The following NT5DC2 variants were observed in gnomAD, a reference collection of about 807,000 sequenced individuals.
NT5DC2 encodes 5'-nucleotidase domain containing 2, also known as 5'-nucleotidase domain-containing protein 2.
In NT5DC2, 41 loss-of-function variants were observed where a neutral mutation model predicts 70.0. The observed-to-expected ratio is 0.59, with a 90% confidence interval of 0.46 to 0.76. The LOEUF (loss-of-function observed/expected upper bound fraction) is 0.76, where lower values mean the gene tolerates loss of function less well. Among genes scored for constraint, NT5DC2 ranks in the 30% least tolerant of loss-of-function variants. NT5DC2 has a pLI of 0.00. For synonymous variants in NT5DC2, 299 were observed against 310.4 expected, an observed-to-expected ratio of 0.96 and a Z score of 0.39; for missense variants, 705 against 783.2, an observed-to-expected ratio of 0.90 and a Z score of 1.19.
Position 52,529,331 on chromosome 3 carries a change from A to G in NT5DC2, c.236T>C (p.Leu79Pro). The G allele has an allele frequency of 6.2e-7, 1 of 1,613,224 alleles. No individual in the cohort carries two copies. Among genetic ancestry groups the G allele is most frequent in the Non-Finnish European group, 8.5e-7 (1 of 1,179,816 alleles). Reference sequence around the variant, plus strand: ...GAGACTGCAGACCTCGGGGGGCAGGAGGTCTAGAGGAAGGAGATGCAGGGA... The same window carrying G: ...GAGACTGCAGACCTCGGGGGGCAGGGGGTCTAGAGGAAGGAGATGCAGGGA... ...YQDMRRLVHD[L>P]LPPEVCSLLN... is the part of the protein sequence containing the mutation. The change falls in exon 2 of 14, where the codon CTC becomes CCC. Residue 79 changes from leucine to proline, a missense_variant. Physicochemically the swap from Leu to Pro is moderately conservative, Grantham distance 98. Coordinates refer to ENST00000422318, the MANE Select transcript of NT5DC2 (RefSeq NM_001134231.2). This position sits in a 1 kb window ranked among gnomAD's most constrained non-coding sequence, Gnocchi z 4.1.
rs2079324348 is a variant in NT5DC2 at position 52,529,090 on chromosome 3, A to C, written c.417+60T>G. 1 of 1,606,912 alleles carries C rather than the reference A, an allele frequency of 6.2e-7. No individual in the cohort carries two copies. The highest frequency in any genetic ancestry group is 1.3e-5 in the African/African-American group (1 of 74,854). On this transcript the variant is annotated intron_variant, in intron 2 of 13. Transcript: ENST00000422318. The surrounding 1 kb of genome is among the most constrained non-coding windows in gnomAD (Gnocchi z 4.1). ...ACGACTCAGCCCTGAGCTTAGGCCA[A>C]GGTGGGTCTGGCCAGCCTCCAAGCC...
In NT5DC2 at chr3:52,533,726, C is replaced by T; in HGVS notation, c.12G>A (p.Ala4=). 1 of 987,122 alleles carries T rather than the reference C, an allele frequency of 1.0e-6. No individual in the cohort carries two copies. Among genetic ancestry groups the T allele is most frequent in the Non-Finnish European group, 1.2e-6 (1 of 832,188 alleles). The allele number at this position is 987,122 out of a possible 1,614,324, so 61.1% of individuals were successfully genotyped here. The stretch of plus-strand genomic sequence containing the variant: ...AGCGCCGAGCGGCCGCCCGCAGCCC[C>T]GCACCCGCCATGCCCACCGCGCGCC... MAG[A]GLRAAARRWL... is the part of the protein sequence containing the mutation. The change falls in exon 1 of 14, where the codon GCG becomes GCA. Residue 4 remains alanine (A), a synonymous_variant. Transcript: ENST00000422318.
intron 9 of NT5DC2, 80 bp downstream of exon 9, chr3:52,527,537 G>A: frequency 6.6e-7 from 1 of 1,522,194 alleles, no homozygotes; most frequent in Non-Finnish European, 9.0e-7. Context: ...GGGCCAGGTT[G>A]GCCTCCTGCT....
chr3:52,528,958 C>T (rs1411852728), intron 2 of NT5DC2, 23 bp from the exon 3 acceptor site: 1 of 1,613,544 alleles, frequency 6.2e-7, no homozygotes, highest in Non-Finnish European at 8.5e-7. Context: ...AGGGGCCAGG[C>T]CTAAGCCAAT....
At position 52,528,168 on chromosome 3, in the gene NT5DC2, GC is replaced by G; in HGVS notation, c.771+14del. On this transcript the variant is annotated intron_variant, in intron 6 of 13. Coordinates refer to ENST00000422318, the MANE Select transcript of NT5DC2 (RefSeq NM_001134231.2). ...AGTCTTTCCTGCCATCCGAGGGCAG[GC>G]CCAGCATCCTCACCGTCACGTCCTT... 1 of 1,613,090 alleles carries G rather than the reference GC, an allele frequency of 6.2e-7. No individual in the cohort carries two copies. Among genetic ancestry groups the G allele is most frequent in the South Asian group, 1.1e-5 (1 of 91,086 alleles).
rs752223992 is a variant in NT5DC2, at chr3:52,524,808, C to G, written c.1412+9G>C. 2 of 1,612,560 alleles carry G rather than the reference C, an allele frequency of 1.2e-6. No individual in the cohort carries two copies. The highest frequency in any genetic ancestry group is 1.7e-6 in the Non-Finnish European group (2 of 1,179,990). On this transcript the variant is annotated intron_variant, in intron 13 of 13. Transcript: ENST00000422318. ...GGCTGGGACTCCTGCCCTGGCCCCA[C>G]CTGCTCACCTCAGCTCCTGCCGCTC...
intron 9 of NT5DC2, 116 bp from the exon 10 acceptor site, chr3:52,527,491 G>C: frequency 6.9e-7 from 1 of 1,453,070 alleles, no homozygotes; most frequent in Non-Finnish European, 9.5e-7. Context: ...CCAGCAAGGG[G>C]GTGTTCTCAC....
intron 1 of NT5DC2, chr3:52,530,079 G>A (rs2079339397): frequency 6.6e-6 from 1 of 152,456 alleles, no homozygotes. Context: ...CCCAGGGAGA[G>A]TGAGGCCCCT....
At chr3:52,534,339 C>T (rs1204223509), upstream of NT5DC2, 2 of 850,852 alleles carry the variant, frequency 2.4e-6, no homozygotes, top group East Asian at 2.7e-5. Flanking sequence ...GAGCCCGGGC[C>T]AGTCCACTCA....
chr3:52,534,801 A>G (rs1010813212), upstream of NT5DC2: 1 of 971,076 alleles, frequency 1.0e-6, no homozygotes, highest in Non-Finnish European at 1.5e-6. Flanking sequence ...GCTGTCTTTC[A>G]GGGTGTGTGT....
At position 52,525,113 on chromosome 3, in the gene NT5DC2, G is replaced by A. The variant is rs1299094996; in HGVS notation, c.1207-10C>T. On this transcript the variant is annotated splice_polypyrimidine_tract_variant and intron_variant, in intron 11 of 13. Coordinates refer to ENST00000422318, the MANE Select transcript of NT5DC2 (RefSeq NM_001134231.2). ...GCCGCAGCATGAGATCCTGGTGGGT[G>A]GGGCGGCAGAACTGGGCTCAGCGCC... The A allele has an allele frequency of 1.3e-6, 2 of 1,573,512 alleles. No individual in the cohort carries two copies. Among genetic ancestry groups the A allele is most frequent in the South Asian group, 1.2e-5 (1 of 86,150 alleles).
At chr3:52,528,824 C>A in intron 3 of NT5DC2, 37 bp downstream of exon 3, 1 of 1,608,830 alleles carries the variant, frequency 6.2e-7, no homozygotes, top group Non-Finnish European at 8.5e-7. Context: ...CAAGAGGAGG[C>A]CAAGGAGGGA....
At chr3:52,534,926 G>A (rs1287287689), upstream of NT5DC2, 1 of 445,454 alleles carries the variant, frequency 2.2e-6, no homozygotes, top group Non-Finnish European at 4.0e-6. Context: ...GTGTCCCCAG[G>A]GCCCCAGTGA....
At position 52,526,821 on chromosome 3, in the gene NT5DC2, C is replaced by T. The variant is rs533707059; in HGVS notation, c.1119+473G>A. Among the ~76,000 whole-genome samples, 14 of 152,210 alleles carry T rather than the reference C, an allele frequency of 9.2e-5. No individual in the cohort carries two copies. The South Asian group carries it at 2.3e-3, about 25-fold the overall frequency. On this transcript the variant is annotated intron_variant, in intron 10 of 13. Coordinates refer to ENST00000422318, the MANE Select transcript of NT5DC2 (RefSeq NM_001134231.2). Reference sequence around the variant, plus strand: ...ACCACAGGTGCATGCTACCATGCCCCGCTAATTTTTTCTATTTTTAGTAGA... The same window carrying T: ...ACCACAGGTGCATGCTACCATGCCCTGCTAATTTTTTCTATTTTTAGTAGA...
intron 4 of NT5DC2, 25 bp downstream of exon 4, chr3:52,528,612 T>C: frequency 7.6e-6 from 2 of 263,252 alleles, no homozygotes; most frequent in Non-Finnish European, 1.3e-5. Context: ...GGGGCGGGGG[T>C]GGGGTTGGGG....
In NT5DC2 at chr3:52,524,705, G is replaced by T. The variant is rs765229870; in HGVS notation, c.1439C>A (p.Ala480Glu). 1 of 1,612,754 alleles carries T rather than the reference G, an allele frequency of 6.2e-7. No homozygotes were observed. The highest frequency in any genetic ancestry group is 8.5e-7 in the Non-Finnish European group (1 of 1,180,036). ...LRCITKALFN[A>E]QFGSIFRTFH... ...GGTGCGGAAGATGCTGCCGAACTGC[G>T]CATTGAACAGGGCCTTGGTGATGCA... Residue 480 changes from alanine to glutamate, a missense_variant, in exon 14 of 14, where the codon GCG becomes GAG. Physicochemically the swap from Ala to Glu is moderately radical, Grantham distance 107. Coordinates refer to ENST00000422318, the MANE Select transcript of NT5DC2 (RefSeq NM_001134231.2).
Position 52,532,245 on chromosome 3 carries a change from G to C in NT5DC2, c.232+1261C>G, listed in dbSNP as rs2079371593. 5 of 985,486 alleles carry C rather than the reference G, an allele frequency of 5.1e-6. No individual in the cohort carries two copies. The South Asian group carries it at 1.9e-4, about 37-fold the overall frequency. The allele number at this position is 985,486 out of a possible 1,614,324, so 61.0% of individuals were successfully genotyped here. On this transcript the variant is annotated intron_variant, in intron 1 of 13. Coordinates refer to ENST00000422318, the MANE Select transcript of NT5DC2 (RefSeq NM_001134231.2). ...CTGTGAGGCTCCAAAGATGCAGGCA[G>C]GCCCAGGAGGACAATGTCCAGTAGA...
intron 1 of NT5DC2, among the ~76,000 whole-genome samples, chr3:52,532,962 G>C (rs1418934510): frequency 6.6e-6 from 1 of 152,156 alleles, no homozygotes; most frequent in Non-Finnish European, 1.5e-5. Context: ...TGGGCTCCAG[G>C]GGGCGGGGGT....
Position 52,524,865 on chromosome 3 carries a change from T to A in NT5DC2, c.1364A>T (p.Glu455Val). 6.2e-7 allele frequency: 1 copy of A among 1,612,286 alleles called. No homozygotes were observed. The highest frequency in any genetic ancestry group is 1.3e-5 in the African/African-American group (1 of 74,990). Reference protein sequence around the residue: ...LERMQTYQDAESRQVLAAWMK... With the variant: ...LERMQTYQDAVSRQVLAAWMK... Reference sequence around the variant, plus strand: ...CCAGGCAGCCAGCACCTGCCTCGACTCCGCGTCCTGATAGGTCTGGGGACA... The same window carrying A: ...CCAGGCAGCCAGCACCTGCCTCGACACCGCGTCCTGATAGGTCTGGGGACA... Residue 455 changes from glutamate to valine, a missense_variant, in exon 13 of 14, where the codon GAG (glutamate) becomes GTG (valine). By Grantham distance (121) the Glu-to-Val change is moderately radical. Coordinates refer to ENST00000422318, the MANE Select transcript of NT5DC2 (RefSeq NM_001134231.2).
Sources: allele counts gnomAD v4.1 joint callset (sites outside exome capture counted in the v4.1 genomes callset), GRCh38; gene constraint gnomAD v4.1.1; non-coding constraint Gnocchi (gnomAD v3.1); transcripts MANE v1.5; gene names NCBI Gene and HGNC (gene_info 2026-07-23, HGNC 2026-07-21).